The following COLGALT2 variants were observed in gnomAD, a reference collection of about 807,000 sequenced individuals.
COLGALT2 encodes the protein procollagen galactosyltransferase 2.
A neutral mutation model predicts 73.4 loss-of-function variants in COLGALT2; 49 were observed. The ratio of observed to expected loss-of-function variants is 0.67; its 90% CI spans 0.53 to 0.85. COLGALT2 has a LOEUF of 0.85. Ranked by LOEUF, COLGALT2 falls within the 40% of genes least tolerant of loss-of-function variation. The pLI, the probability that COLGALT2 is intolerant of heterozygous loss-of-function variation, is 0.00. For missense variants in COLGALT2, 722 were observed against 790.2 expected, an observed-to-expected ratio of 0.91 and a Z score of 1.03; for synonymous variants, 295 against 307.6, an observed-to-expected ratio of 0.96 and a Z score of 0.43.
intron 5 of COLGALT2, 91 bp downstream of exon 5, chr1:183,969,178 G>GTT (rs1393307571): frequency 7.6e-6 from 8 of 1,055,442 alleles, no homozygotes; most frequent in Non-Finnish European, 1.0e-5. Flanking sequence ...GACATATGAG[G>GTT]GTTTTTTTTT....
intron 11 of COLGALT2, chr1:183,930,435 C>G (rs1460054199): frequency 2.6e-6 from 1 of 378,270 alleles, no homozygotes; most frequent in Non-Finnish European, 5.2e-6. Context: ...ACTCTGTCAC[C>G]CAGGCTGGAG....
intron 7 of COLGALT2, among the ~76,000 whole-genome samples, chr1:183,951,884 C>T (rs545476000): frequency 6.6e-6 from 1 of 152,238 alleles, no homozygotes; most frequent in East Asian, 1.9e-4. Flanking sequence ...CCTGAATAGT[C>T]AAAGCTGTCC....
chr1:183,938,454 C>T lies in COLGALT2; in HGVS notation c.*307G>A. 8.4e-7 allele frequency: 1 copy of T among 1,186,330 alleles called. No homozygotes were observed. Among genetic ancestry groups the T allele is most frequent in the African/African-American group, 1.5e-5 (1 of 64,638 alleles). The allele number at this position is 1,186,330 out of a possible 1,614,324, so 73.5% of individuals were successfully genotyped here. A position where few individuals can be genotyped will look rare whatever the true frequency, so the allele number is the denominator to read the frequency against. ...CAAGACTCTGAGCCATGTTGTTCAA[C>T]CTTAATGTGGGAATCAGTATCACAT... On this transcript the variant is annotated 3_prime_UTR_variant, in exon 12 of 12. Transcript: ENST00000361927.
At chr1:184,015,095 G>C (rs1028955196) in intron 1 of COLGALT2, among the ~76,000 whole-genome samples, 1 of 136,864 alleles carries the variant, frequency 7.3e-6, no homozygotes, top group Non-Finnish European at 1.6e-5. Context: ...TTTCTAGTGG[G>C]TAAAAAAAAA....
At chr1:183,970,256 A>G (rs1287550543) in intron 4 of COLGALT2, among the ~76,000 whole-genome samples, 1 of 152,232 alleles carries the variant, frequency 6.6e-6, no homozygotes, top group Non-Finnish European at 1.5e-5. Flanking sequence ...TCATTTCCAG[A>G]AAAGATGAAG....
At chr1:184,034,310 G>A (rs180827131) in intron 1 of COLGALT2, among the ~76,000 whole-genome samples, 1 of 136,106 alleles carries the variant, frequency 7.3e-6, no homozygotes, top group African/African-American at 2.7e-5. Flanking sequence ...TTTTTGCCTT[G>A]CTGATCCCTT....
intron 4 of COLGALT2, among the ~76,000 whole-genome samples, chr1:183,972,681 T>C (rs910715627): frequency 2.6e-5 from 4 of 152,024 alleles, no homozygotes; most frequent in Admixed American, 2.0e-4. Flanking sequence ...TCGAAGGTCA[T>C]TGAAATATTT....
At chr1:184,003,602 C>G (rs1408290354) in intron 1 of COLGALT2, among the ~76,000 whole-genome samples, 1 of 152,072 alleles carries the variant, frequency 6.6e-6, no homozygotes, top group Non-Finnish European at 1.5e-5. Flanking sequence ...CCTGCTGTGC[C>G]CTTTATGAAT....
intron 1 of COLGALT2, among the ~76,000 whole-genome samples, chr1:184,023,559 G>A (rs1649237788): frequency 6.8e-6 from 1 of 147,826 alleles, no homozygotes; most frequent in African/African-American, 2.5e-5. Context: ...AGTAACTTTT[G>A]CAAATAACAA....
intron 8 of COLGALT2, among the ~76,000 whole-genome samples, chr1:183,948,681 A>G (rs564971708): frequency 2.0e-5 from 3 of 152,320 alleles, no homozygotes; most frequent in African/African-American, 7.2e-5. Context: ...AACTGCACTC[A>G]ACAGTTCTAT....
chr1:184,035,453 A>G (rs1170051557), intron 1 of COLGALT2, among the ~76,000 whole-genome samples: 1 of 152,210 alleles, frequency 6.6e-6, no homozygotes, highest in Non-Finnish European at 1.5e-5. Flanking sequence ...TTCAAATTCC[A>G]GTTTCACCAT....
chr1:183,961,250 GTTC>G (rs1184515565), intron 6 of COLGALT2, among the ~76,000 whole-genome samples: 3 of 152,170 alleles, frequency 2.0e-5, no homozygotes, highest in Non-Finnish European at 2.9e-5. Context: ...TAATTTACAG[GTTC>G]TTCTCAAATG....
At position 183,953,414 on chromosome 1, in the gene COLGALT2, C is replaced by A. The variant is rs79191743; in HGVS notation, c.1029+1348G>T. Among the ~76,000 whole-genome samples, 48 of 152,248 alleles carry A rather than the reference C, an allele frequency of 3.2e-4. 1 individual carries two copies. In the East Asian group the frequency reaches 9.3e-3, roughly 29 times the overall value. On this transcript the variant is annotated intron_variant, in intron 7 of 11. Transcript: ENST00000361927. ...GAGTGACCCAGTCCTTACACCGTGT[C>A]CTGCCCAAAGAAGACCGGAACTGGA...
At chr1:184,011,809 A>G (rs1486997662) in intron 1 of COLGALT2, among the ~76,000 whole-genome samples, 1 of 152,228 alleles carries the variant, frequency 6.6e-6, no homozygotes, top group African/African-American at 2.4e-5. Context: ...CAGTTGGTTA[A>G]TATGTTCCCA....
At chr1:184,008,730 T>TA (rs924239923) in intron 1 of COLGALT2, among the ~76,000 whole-genome samples, 1 of 152,134 alleles carries the variant, frequency 6.6e-6, no homozygotes, top group African/African-American at 2.4e-5. Context: ...ATCCTGTCTC[T>TA]AAAAAATACA....
chr1:183,934,801 G>C (rs575283904), downstream of COLGALT2, among the ~76,000 whole-genome samples: 2 of 152,318 alleles, frequency 1.3e-5, no homozygotes, highest in African/African-American at 4.8e-5. Flanking sequence ...ATTTGTAGCT[G>C]AGTGGGAATA....
intron 9 of COLGALT2, among the ~76,000 whole-genome samples, chr1:183,944,893 CCTTTCTTCAGGGA>C (rs1670208819): frequency 6.6e-6 from 1 of 152,144 alleles, no homozygotes; most frequent in Non-Finnish European, 1.5e-5. Context: ...GTTCAAGGGG[CCTTTCTTCAGGGA>C]CTTTCTTTTT....
At chr1:183,974,500 A>G (rs566188129) in intron 3 of COLGALT2, among the ~76,000 whole-genome samples, 2 of 152,374 alleles carry the variant, frequency 1.3e-5, no homozygotes, top group East Asian at 1.9e-4. Context: ...TTAAACAGCT[A>G]CACAATGTTA....
intron 1 of COLGALT2, among the ~76,000 whole-genome samples, chr1:183,979,456 A>C (rs1174123984): frequency 6.6e-6 from 1 of 152,136 alleles, no homozygotes; most frequent in Non-Finnish European, 1.5e-5. Context: ...CAAAGTATGA[A>C]TATCTATACA....
Sources: gnomAD v4.1 joint callset for allele counts (sites outside exome capture counted in the v4.1 genomes callset) on GRCh38, gnomAD v4.1.1 for gene constraint, MANE v1.5 for transcripts, NCBI Gene and HGNC (gene_info 2026-07-23, HGNC 2026-07-21) for gene names.